SLC2A8: variants seen among roughly 807,000 people sequenced by gnomAD.
SLC2A8 encodes solute carrier family 2, facilitated glucose transporter member 8.
A neutral mutation model predicts 49.2 loss-of-function variants in SLC2A8; 53 were observed. That is an observed-to-expected ratio of 1.08 (90% CI 0.86 to 1.35). The LOEUF is 1.35. SLC2A8 is among the 40% of genes most tolerant of loss of function. The pLI, the probability that SLC2A8 is intolerant of heterozygous loss-of-function variation, is 0.00. For missense variants in SLC2A8, 688 were observed against 671.7 expected, an observed-to-expected ratio of 1.02 and a Z score of -0.27; for synonymous variants, 299 against 297.0, an observed-to-expected ratio of 1.01 and a Z score of -0.07.
In SLC2A8 at chr9:127,404,069, T is replaced by G; in HGVS notation, c.976+2T>G. On this transcript the variant is annotated splice_donor_variant, in intron 7 of 9. Transcript: ENST00000373371. LOFTEE classifies it high-confidence loss of function. The stretch of plus-strand genomic sequence containing the variant: ...GGAGGCTGCTCCTGGTCTTGTCAGG[T>G]GAGGGTTCACCCCTGTGCAGCCTCC... The G allele has an allele frequency of 3.8e-6, 6 of 1,589,548 alleles. No homozygotes were observed. Among genetic ancestry groups the G allele is most frequent in the South Asian group, 2.2e-5 (2 of 89,784 alleles).
Position 127,407,108 on chromosome 9 carries a change from G to A in SLC2A8, c.1297-4G>A, listed in dbSNP as rs1350011692. The A allele has an allele frequency of 6.2e-7, 1 of 1,612,964 alleles. No individual in the cohort carries two copies. The highest frequency in any genetic ancestry group is 8.5e-7 in the Non-Finnish European group (1 of 1,179,950). On this transcript the variant is annotated splice_polypyrimidine_tract_variant and splice_region_variant and intron_variant, in intron 9 of 9. Transcript: ENST00000373371. ...TCCACCCATGGCCTTTCCTCTCTCT[G>A]CAGGAGGTCCTCAGGCCCTATGGAG... is the stretch of plus-strand genomic sequence containing the variant.
At position 127,399,925 on chromosome 9, in the gene SLC2A8, G is replaced by T. The variant is rs368974068; in HGVS notation, c.445G>T (p.Ala149Ser). Residue 149 changes from alanine to serine, a missense_variant, in exon 4 of 10, where the codon GCC (alanine) becomes TCC (serine). By Grantham distance (99) the Ala-to-Ser change is moderately conservative. Coordinates refer to ENST00000373371, the MANE Select transcript of SLC2A8 (RefSeq NM_014580.5). This position sits in a 1 kb window ranked among gnomAD's most constrained non-coding sequence, Gnocchi z 4.2. ...CTGGCAGGTCTACATCTCCGAAATCGCCTACCCAGCAGTCCGGGGGTTGCT... is the reference window on the plus strand; with the variant it reads ...CTGGCAGGTCTACATCTCCGAAATCTCCTACCCAGCAGTCCGGGGGTTGCT... Reference protein sequence around the residue: ...LVAPVYISEIAYPAVRGLLGS... With the variant: ...LVAPVYISEISYPAVRGLLGS... 1 of 1,613,608 alleles carries T rather than the reference G, an allele frequency of 6.2e-7. No individual in the cohort carries two copies. Among genetic ancestry groups the T allele is most frequent in the East Asian group, 2.2e-5 (1 of 44,840 alleles).
intron 6 of SLC2A8, 50 bp downstream of exon 6, chr9:127,403,853 G>A (rs748160541): frequency 1.0e-5 from 16 of 1,603,942 alleles, no homozygotes; most frequent in Non-Finnish European, 1.3e-5. Context: ...CATAGATGGA[G>A]CTTCCTCCCC....
intron 3 of SLC2A8, chr9:127,398,343 C>A (rs761431042): frequency 2.6e-6 from 2 of 776,292 alleles, no homozygotes; most frequent in Non-Finnish European, 4.8e-6. Context: ...AGGTGAAGTC[C>A]TTTGCCCAGG....
Position 127,397,489 on chromosome 9 carries a change from C to A in SLC2A8, c.170C>A (p.Ala57Asp). Residue 57 changes from alanine to aspartate, a missense_variant, in exon 2 of 10, where the codon GCC becomes GAC. Ala to Asp is a moderately radical substitution (Grantham distance 126). Coordinates refer to ENST00000373371, the MANE Select transcript of SLC2A8 (RefSeq NM_014580.5). ...CCGGCCATCCCTAGCCTGCAGCGCG[C>A]CGCGCCCCCGGCCCCGCGCCTGGAC... ...SSPAIPSLQR[A>D]APPAPRLDDA... 6.8e-7 allele frequency: 1 copy of A among 1,462,510 alleles called. No individual in the cohort carries two copies. Among genetic ancestry groups the A allele is most frequent in the Non-Finnish European group, 9.0e-7 (1 of 1,116,804 alleles). The allele number at this position is 1,462,510 out of a possible 1,614,324, so 90.6% of individuals were successfully genotyped here.
Position 127,407,576 on chromosome 9 carries a change from G to A in SLC2A8, c.*327G>A. 2.3e-6 allele frequency: 1 copy of A among 435,980 alleles called. No homozygotes were observed. The highest frequency in any genetic ancestry group is 4.7e-6 in the Non-Finnish European group (1 of 214,012). The allele number at this position is 435,980 out of a possible 1,614,324, so 27.0% of individuals were successfully genotyped here. On this transcript the variant is annotated 3_prime_UTR_variant, in exon 10 of 10. Transcript: ENST00000373371. Reference sequence around the variant, plus strand: ...TCTTCTGGCTGGAGGTGCTTTTGGAGGTTGGGTGCTGGGCATTCAGTCGCT... The same window carrying A: ...TCTTCTGGCTGGAGGTGCTTTTGGAAGTTGGGTGCTGGGCATTCAGTCGCT...
chr9:127,397,699 C>G (rs1833087136), intron 2 of SLC2A8, among the ~76,000 whole-genome samples, 161 bp downstream of exon 2: 1 of 152,014 alleles, frequency 6.6e-6, no homozygotes, highest in African/African-American at 2.4e-5. Context: ...CTCTGCCCCC[C>G]ATCCCTTCCC....
chr9:127,397,409 CTTCGCCGCT>C lies in SLC2A8; in HGVS notation c.91_99del (p.Phe31_Ala33del). On this transcript the variant is annotated inframe_deletion, in exon 2 of 10. Coordinates refer to ENST00000373371, the MANE Select transcript of SLC2A8 (RefSeq NM_014580.5). ...GCGGCCGCCGCGTCTTCCTCGCCGCCTTCGCCGCTGCCCTGGGCCCACTCAGCTTCGGCT... is the reference window on the plus strand; with the variant it reads ...GCGGCCGCCGCGTCTTCCTCGCCGCCGCCCTGGGCCCACTCAGCTTCGGCT... 1.4e-6 allele frequency: 2 copies of C among 1,476,084 alleles called. No individual in the cohort carries two copies. The highest frequency in any genetic ancestry group is 1.8e-6 in the Non-Finnish European group (2 of 1,121,948). The allele number at this position is 1,476,084 out of a possible 1,614,324, so 91.4% of individuals were successfully genotyped here.
chr9:127,404,549 G>C, intron 7 of SLC2A8: 2 of 475,620 alleles, frequency 4.2e-6, no homozygotes, highest in Non-Finnish European at 7.5e-6. Context: ...ACGACCGTCG[G>C]GGCTGAGGGT....
chr9:127,405,208 T>C (rs1408330136), intron 8 of SLC2A8, among the ~76,000 whole-genome samples: 3 of 152,178 alleles, frequency 2.0e-5, no homozygotes, highest in African/African-American at 7.2e-5. Flanking sequence ...CAGGCCCCGT[T>C]GTGACCCCAT....
At chr9:127,402,399 A>T in intron 4 of SLC2A8, 158 bp from the exon 5 acceptor site, 1 of 1,218,152 alleles carries the variant, frequency 8.2e-7, no homozygotes, top group African/African-American at 1.5e-5. Context: ...ATGTGCCTTC[A>T]TGAACAGTTG....
chr9:127,398,326 CTCGGA>C (rs1161807521), intron 3 of SLC2A8: 2 of 781,298 alleles, frequency 2.6e-6, no homozygotes, highest in Non-Finnish European at 4.8e-6. Flanking sequence ...GACATGCAGT[CTCGGA>C]AAGGTGAAGT....
intron 4 of SLC2A8, among the ~76,000 whole-genome samples, chr9:127,401,537 T>C (rs1833292083): frequency 6.6e-6 from 1 of 152,264 alleles, no homozygotes; most frequent in Non-Finnish European, 1.5e-5. Flanking sequence ...GCCCCCACTG[T>C]GTGCAGGTGT....
intron 3 of SLC2A8, 66 bp downstream of exon 3, chr9:127,398,177 G>T: frequency 1.3e-6 from 2 of 1,485,516 alleles, no homozygotes; most frequent in African/African-American, 1.4e-5. Context: ...GGGACAAACC[G>T]CTCCCCAGGC....
chr9:127,402,390 T>C (rs763732250), intron 4 of SLC2A8, 167 bp from the exon 5 acceptor site: 3 of 1,098,598 alleles, frequency 2.7e-6, no homozygotes, highest in Admixed American at 3.4e-5. Context: ...GCCCGTGCCA[T>C]GTGCCTTCAT....
rs562425319 is a variant in SLC2A8, at chr9:127,404,109, A to G, written c.976+42A>G. On this transcript the variant is annotated intron_variant, in intron 7 of 9. Transcript: ENST00000373371. ...GTGCAGCCTCCCCGCCATGCGGGGG[A>G]GGGCCTTCGCCAAGGCCACCACACT... The G allele has an allele frequency of 2.3e-4, 330 of 1,443,070 alleles. 1 individual carries two copies. In the African/African-American group the frequency reaches 4.4e-3, roughly 19 times the overall value. The allele number at this position is 1,443,070 out of a possible 1,614,324, so 89.4% of individuals were successfully genotyped here.
At position 127,398,069 on chromosome 9, in the gene SLC2A8, C is replaced by T; in HGVS notation, c.384C>T (p.Leu128=). 6.3e-7 allele frequency: 1 copy of T among 1,588,798 alleles called. No homozygotes were observed. The highest frequency in any genetic ancestry group is 1.1e-5 in the South Asian group (1 of 88,776). ...TGTGGATGCTGCTGGGGGGCCGCCT[C>T]CTCACCGGCCTGGCCTGCGGTGTTG... ...QDVWMLLGGR[L]LTGLACGVAS... Residue 128 remains leucine (L), a synonymous_variant, in exon 3 of 10, where the codon CTC becomes CTT. Coordinates refer to ENST00000373371, the MANE Select transcript of SLC2A8 (RefSeq NM_014580.5).
intron 5 of SLC2A8, among the ~76,000 whole-genome samples, chr9:127,403,025 G>A (rs1019190164): frequency 1.3e-5 from 2 of 152,220 alleles, no homozygotes; most frequent in African/African-American, 4.8e-5. Context: ...CAGGCCTGGT[G>A]GGGGATACAG....
chr9:127,406,730 C>T (rs1170958157), intron 9 of SLC2A8, among the ~76,000 whole-genome samples: 2 of 152,194 alleles, frequency 1.3e-5, no homozygotes, highest in Non-Finnish European at 2.9e-5. Context: ...TATGAAAGAA[C>T]CCACCGGGGG....
Sources: allele counts gnomAD v4.1 joint callset (sites outside exome capture counted in the v4.1 genomes callset), GRCh38; gene constraint gnomAD v4.1.1; non-coding constraint Gnocchi (gnomAD v3.1); transcripts MANE v1.5; gene names NCBI Gene and HGNC (gene_info 2026-07-23, HGNC 2026-07-21).